CDH13: variants seen among roughly 807,000 people sequenced by gnomAD.
CDH13 encodes the protein cadherin-13.
CDH13 carries 24 observed loss-of-function variants against 63.8 expected under a neutral mutation model. That is an observed-to-expected ratio of 0.38 (90% CI 0.27 to 0.53). CDH13 has a LOEUF of 0.53. Among genes scored for constraint, CDH13 ranks in the 20% least tolerant of loss-of-function variants. The probability of loss-of-function intolerance (pLI) is 0.85; values close to 1 mark genes in which losing one functional copy is unlikely to be tolerated. For synonymous variants in CDH13, 503 were observed against 355.3 expected (o/e 1.42, Z -4.67); for missense variants, 1,049 against 903.1 (o/e 1.16, Z -2.07).
At chr16:83,486,145 A>G (rs1227352452) in intron 6 of CDH13, among the ~76,000 whole-genome samples, 1 of 151,756 alleles carries the variant, frequency 6.6e-6, no homozygotes, top group African/African-American at 2.4e-5. Flanking sequence ...TCTGTCTAAA[A>G]AAATGAATGT....
At chr16:82,729,798 T>C (rs2033302552) in intron 1 of CDH13, among the ~76,000 whole-genome samples, 1 of 152,216 alleles carries the variant, frequency 6.6e-6, no homozygotes, top group African/African-American at 2.4e-5. Flanking sequence ...AGATGTTTTA[T>C]CTACACGAAA....
In CDH13 at chr16:83,335,332, A is replaced by T. The variant is rs368507928; in HGVS notation, c.637-9530A>T. Reference sequence around the variant, plus strand: ...AATTACCGGCTCTTAACTTTTCTTTATCTGGGGGCAAATGCTGGCATGTTA... The same window carrying T: ...AATTACCGGCTCTTAACTTTTCTTTTTCTGGGGGCAAATGCTGGCATGTTA... On this transcript the variant is annotated intron_variant, in intron 5 of 13. Transcript: ENST00000567109. 1.5e-3 allele frequency among the ~76,000 whole-genome samples: 234 copies of T among 151,950 alleles called. 2 individuals carry two copies. The highest frequency in any genetic ancestry group is 4.6e-3 in the South Asian group (22 of 4,804).
chr16:83,526,402 G>C (rs972538873), intron 7 of CDH13, among the ~76,000 whole-genome samples: 6 of 152,174 alleles, frequency 3.9e-5, no homozygotes, highest in Non-Finnish European at 4.4e-5. Flanking sequence ...ATGGTTTCCG[G>C]ATGAAACTGT....
intron 2 of CDH13, among the ~76,000 whole-genome samples, chr16:82,883,852 A>G (rs1034099827): frequency 2.6e-4 from 39 of 152,198 alleles, no homozygotes; most frequent in Non-Finnish European, 5.1e-4. Flanking sequence ...CTTAATGAAC[A>G]TAACAGAATG....
intron 10 of CDH13, among the ~76,000 whole-genome samples, chr16:83,730,471 G>C (rs2150950526): frequency 6.6e-6 from 1 of 152,248 alleles, no homozygotes; most frequent in Middle Eastern, 3.4e-3. Context: ...TGTTGTTTTA[G>C]GAACTGACAA....
At chr16:82,919,881 A>T (rs532149283) in intron 2 of CDH13, among the ~76,000 whole-genome samples, 3 of 152,366 alleles carry the variant, frequency 2.0e-5, no homozygotes, top group African/African-American at 7.2e-5. Flanking sequence ...CAGAAATAAT[A>T]GTCCTTGCCT....
At chr16:82,978,506 A>G (rs1329857937) in intron 2 of CDH13, among the ~76,000 whole-genome samples, 1 of 152,218 alleles carries the variant, frequency 6.6e-6, no homozygotes, top group African/African-American at 2.4e-5. Flanking sequence ...CAGCATGGGA[A>G]CTTGGTGCCC....
rs189962563 is a variant in CDH13, at chr16:82,830,956, A to C, written c.46-27406A>C. On this transcript the variant is annotated intron_variant, in intron 1 of 13. Coordinates refer to ENST00000567109, the MANE Select transcript of CDH13 (RefSeq NM_001257.5). ...TCTTGTGTTATAATGGGCCTGGTAT[A>C]CAGAGGGTGCTTAGCAAATCTTCCG... 2.8e-3 allele frequency among the ~76,000 whole-genome samples: 423 copies of C among 152,288 alleles called. 3 individuals are homozygous for C. The highest frequency in any genetic ancestry group is 4.4e-3 in the Non-Finnish European group (300 of 68,028).
chr16:83,565,221 G>C (rs900567726), intron 7 of CDH13, among the ~76,000 whole-genome samples: 10 of 151,840 alleles, frequency 6.6e-5, no homozygotes, highest in Middle Eastern at 3.2e-3. Flanking sequence ...TCGGTTTCTG[G>C]CTATAATTGC....
At chr16:83,063,345 A>C (rs576051384) in intron 3 of CDH13, among the ~76,000 whole-genome samples, 2 of 152,282 alleles carry the variant, frequency 1.3e-5, no homozygotes, top group East Asian at 3.9e-4. Context: ...CAGAAGTTAC[A>C]CACCATCAGT....
chr16:83,478,504 C>G (rs914542022), intron 6 of CDH13, among the ~76,000 whole-genome samples: 2 of 152,158 alleles, frequency 1.3e-5, no homozygotes, highest in African/African-American at 4.8e-5. Context: ...CTTTCTGGAT[C>G]AAATGCACAG....
chr16:82,760,235 G>C (rs543534823), intron 1 of CDH13, among the ~76,000 whole-genome samples: 13 of 152,132 alleles, frequency 8.5e-5, no homozygotes, highest in Non-Finnish European at 1.8e-4. Context: ...ACTTACTGAG[G>C]GGGTAGAAGG....
chr16:82,687,640 A>G (rs574419332), intron 1 of CDH13, among the ~76,000 whole-genome samples: 2 of 152,240 alleles, frequency 1.3e-5, no homozygotes, highest in East Asian at 1.9e-4. Flanking sequence ...CCCGAGATTC[A>G]GTTACCTCCC....
At chr16:83,655,741 G>C (rs189241450) in intron 8 of CDH13, among the ~76,000 whole-genome samples, 3 of 152,338 alleles carry the variant, frequency 2.0e-5, no homozygotes, top group East Asian at 1.9e-4. Context: ...CAAACACCCA[G>C]AATCGAGCCT....
chr16:83,127,910 G>A (rs186141282), intron 4 of CDH13, among the ~76,000 whole-genome samples: 1 of 152,240 alleles, frequency 6.6e-6, no homozygotes, highest in Admixed American at 6.5e-5. Flanking sequence ...TGCTCTAAAG[G>A]GATAGCCCTG....
intron 6 of CDH13, among the ~76,000 whole-genome samples, chr16:83,435,511 G>A (rs928967274): frequency 3.3e-5 from 5 of 152,136 alleles, no homozygotes; most frequent in Admixed American, 6.5e-5. Flanking sequence ...CAGCCCTGCT[G>A]CCTCTCTTCA....
chr16:82,990,661 C>G (rs1375225827), intron 2 of CDH13, among the ~76,000 whole-genome samples: 3 of 151,940 alleles, frequency 2.0e-5, no homozygotes, highest in African/African-American at 7.3e-5. Flanking sequence ...ATTCTCCCAC[C>G]TCAGCCTCCT....
chr16:82,675,946 C>T (rs568319797), intron 1 of CDH13, among the ~76,000 whole-genome samples: 157 of 152,340 alleles, frequency 1.0e-3, no homozygotes, highest in African/African-American at 3.5e-3. Flanking sequence ...TGCCTCTTTT[C>T]TGCCTCCCTG....
At chr16:82,789,963 C>T (rs1004458009) in intron 1 of CDH13, among the ~76,000 whole-genome samples, 10 of 152,084 alleles carry the variant, frequency 6.6e-5, no homozygotes, top group African/African-American at 2.4e-4. Context: ...CTCAGACCAG[C>T]CCCCATCTCT....
Sources: gnomAD v4.1 joint callset for allele counts (sites outside exome capture counted in the v4.1 genomes callset) on GRCh38, gnomAD v4.1.1 for gene constraint, MANE v1.5 for transcripts, NCBI Gene and HGNC (gene_info 2026-07-23, HGNC 2026-07-21) for gene names.